ALG13: variants seen among roughly 807,000 people sequenced by gnomAD.
ALG13 encodes the protein UDP-N-acetylglucosamine transferase subunit ALG13.
Under a neutral mutation model 87.8 loss-of-function variants are expected in ALG13, and 11 were observed. The ratio of observed to expected loss-of-function variants is 0.13; its 90% CI spans 0.08 to 0.21. The LOEUF (loss-of-function observed/expected upper bound fraction) is 0.21. ALG13 is among the 10% of genes least tolerant of loss of function. The pLI is 1.00. For synonymous variants in ALG13, 320 were observed against 306.3 expected, an observed-to-expected ratio of 1.04 and a Z score of -0.47; for missense variants, 756 against 866.1, an observed-to-expected ratio of 0.87 and a Z score of 1.60.
chrX:111,744,870 T>C lies in ALG13; in HGVS notation c.2898T>C (p.Tyr966=), dbSNP rs368002375. Residue 966 remains tyrosine, a synonymous_variant, in exon 24 of 27, where the codon TAT becomes TAC. Coordinates refer to ENST00000394780, the MANE Select transcript of ALG13 (RefSeq NM_001099922.3). ...CACCACCACTACCACCTCCACCTTA[T>C]TCCTGTGATCCAAGCGGCAGTGATT... ...QPPPPLPPPP[Y]SCDPSGSDLP... 616 of 1,203,945 alleles carry C rather than the reference T, an allele frequency of 5.1e-4. No individual in the cohort carries two copies. In the African/African-American group the frequency reaches 7.7e-3, roughly 15 times the overall value.
At chrX:111,744,969 CTCTT>C in intron 24 of ALG13, 65 bp downstream of exon 24, 1 of 960,894 alleles carries the variant, frequency 1.0e-6, no homozygotes, top group Non-Finnish European at 1.5e-6. Flanking sequence ...GAGCATATCT[CTCTT>C]TGGTTGACCT....
chrX:111,751,193 C>T (rs979315489), intron 24 of ALG13, among the ~76,000 whole-genome samples: 7 of 108,156 alleles, frequency 6.5e-5, no homozygotes, highest in South Asian at 4.1e-4. Flanking sequence ...CTCAGCCTCC[C>T]GGGTAGCTGG....
rs182028574 is a variant in ALG13 at position 111,729,714 on chromosome X, C to T, written c.2369-681C>T. 7.1e-3 allele frequency among the ~76,000 whole-genome samples: 794 copies of T among 111,799 alleles called. 4 individuals carry two copies. The highest frequency in any genetic ancestry group is 0.025 in the African/African-American group (762 of 30,703). ...AACTGTCCGATTGAGTATTGACTTT[C>T]TCTGCATTTCAGTGGTACAGAAATC... On this transcript the variant is annotated intron_variant, in intron 19 of 26. Coordinates refer to ENST00000394780, the MANE Select transcript of ALG13 (RefSeq NM_001099922.3).
Position 111,760,158 on chromosome X carries a change from A to C in ALG13, c.*159A>C, listed in dbSNP as rs1945619979. The C allele has an allele frequency of 1.6e-6, 1 of 620,349 alleles. No individual in the cohort carries two copies. Among genetic ancestry groups the C allele is most frequent in the Non-Finnish European group, 2.3e-6 (1 of 427,536 alleles). 51.1% of individuals were successfully genotyped at this position (620,349 alleles called of 1,213,427 possible). ...TCTTTTGATTTAAAATAGTACTTTA[A>C]AATTAAGGGGTATTATTTTGGGCTG... On this transcript the variant is annotated 3_prime_UTR_variant, in exon 27 of 27. Coordinates refer to ENST00000394780, the MANE Select transcript of ALG13 (RefSeq NM_001099922.3).
At chrX:111,742,436 A>C (rs1291352539) in intron 23 of ALG13, among the ~76,000 whole-genome samples, 1 of 108,919 alleles carries the variant, frequency 9.2e-6, no homozygotes, top group Non-Finnish European at 1.9e-5. Context: ...ATTTAATGGA[A>C]TGCCAAAAAA....
chrX:111,754,042 G>A (rs781506537), intron 25 of ALG13, among the ~76,000 whole-genome samples: 68 of 111,565 alleles, frequency 6.1e-4, no homozygotes, highest in African/African-American at 1.7e-3. Context: ...CTGGCAAACC[G>A]AATCCAGCAG....
intron 10 of ALG13, 118 bp from the exon 11 acceptor site, chrX:111,719,977 T>C: frequency 2.2e-6 from 1 of 462,885 alleles, no homozygotes; most frequent in Non-Finnish European, 3.6e-6. Flanking sequence ...TGAAAAAGCA[T>C]TTGCCTTATT....
chrX:111,741,246 GTC>G (rs899610427), intron 23 of ALG13, among the ~76,000 whole-genome samples: 1 of 111,808 alleles, frequency 8.9e-6, no homozygotes, highest in African/African-American at 3.3e-5. Context: ...AGCAGAACTT[GTC>G]AGGAAATGGG....
chrX:111,729,410 A>G (rs1309503136), intron 19 of ALG13, among the ~76,000 whole-genome samples: 1 of 111,177 alleles, frequency 9.0e-6, no homozygotes, highest in Non-Finnish European at 1.9e-5. Flanking sequence ...AAAAAAATAG[A>G]TATTTTTAGG....
chrX:111,708,618 T>C (rs1450491770), intron 4 of ALG13, among the ~76,000 whole-genome samples: 1 of 111,556 alleles, frequency 9.0e-6, no homozygotes, highest in African/African-American at 3.3e-5. Context: ...TTTTTTTAAA[T>C]GCCAGTTTGT....
chrX:111,707,180 T>G (rs1020004548), intron 3 of ALG13, among the ~76,000 whole-genome samples: 8 of 112,096 alleles, frequency 7.1e-5, no homozygotes, highest in Admixed American at 4.7e-4. Flanking sequence ...TCTGGAAAAG[T>G]ACACTAGTAA....
At chrX:111,738,027 A>G (rs1943398333) in intron 23 of ALG13, among the ~76,000 whole-genome samples, 1 of 112,844 alleles carries the variant, frequency 8.9e-6, no homozygotes, top group Admixed American at 9.4e-5. Flanking sequence ...AAAAAGCAGA[A>G]TATCCCTACA....
intron 24 of ALG13, among the ~76,000 whole-genome samples, chrX:111,746,806 T>C (rs12156913): frequency 0.01 from 1,130 of 112,263 alleles, 10 homozygotes; most frequent in Non-Finnish European, 0.015. Flanking sequence ...CAGCAGCGTA[T>C]GAGAATTCCA....
At chrX:111,735,268 A>T in intron 22 of ALG13, 146 bp downstream of exon 22, 1 of 424,453 alleles carries the variant, frequency 2.4e-6, no homozygotes, top group African/African-American at 2.5e-5. Context: ...TGACACAGTG[A>T]TTAGTAAATT....
chrX:111,751,699 TAATA>T (rs1306365669), intron 24 of ALG13, among the ~76,000 whole-genome samples: 1 of 111,747 alleles, frequency 8.9e-6, no homozygotes, highest in Non-Finnish European at 1.9e-5. Context: ...TGCTCCTATA[TAATA>T]GTCAAAATAC....
intron 8 of ALG13, among the ~76,000 whole-genome samples, chrX:111,715,642 C>T (rs776730485): frequency 2.7e-5 from 3 of 112,257 alleles, no homozygotes; most frequent in Admixed American, 9.4e-5. Flanking sequence ...CACTTGAGCC[C>T]AGGAGGCGGA....
chrX:111,686,053 T>C lies in ALG13; in HGVS notation c.383+950T>C, dbSNP rs762903636. 1.8e-4 allele frequency: 107 copies of C among 589,899 alleles called. 1 individual carries two copies. Among genetic ancestry groups the C allele is most frequent in the Non-Finnish European group, 2.4e-4 (100 of 420,900 alleles). The allele number at this position is 589,899 out of a possible 1,213,427, so 48.6% of individuals were successfully genotyped here. A position where few individuals can be genotyped will look rare whatever the true frequency, so the allele number is the denominator to read the frequency against. On this transcript the variant is annotated intron_variant, in intron 3 of 26. Transcript: ENST00000394780. ...AGAGAAATTATGGTAAGGAGTATTA[T>C]TTTCTACAAGTATATTAGAATTCAA... is the stretch of plus-strand genomic sequence containing the variant.
intron 23 of ALG13, among the ~76,000 whole-genome samples, chrX:111,742,636 C>T (rs1943859088): frequency 8.9e-6 from 1 of 112,070 alleles, no homozygotes; most frequent in Non-Finnish European, 1.9e-5. Flanking sequence ...CCTGTCTTTA[C>T]TGAAAATTTT....
chrX:111,693,277 C>T (rs756178116), intron 3 of ALG13, among the ~76,000 whole-genome samples: 9 of 89,548 alleles, frequency 1.0e-4, no homozygotes, highest in East Asian at 8.0e-4. Flanking sequence ...TTTTTTTTAA[C>T]GGAGTCTCGC....
Sources: allele counts gnomAD v4.1 joint callset (sites outside exome capture counted in the v4.1 genomes callset), GRCh38; gene constraint gnomAD v4.1.1; transcripts MANE v1.5; gene names NCBI Gene and HGNC (gene_info 2026-07-23, HGNC 2026-07-21).